Variants in POU2F1 observed in about 807,000 individuals in gnomAD.
POU2F1 encodes the protein POU class 2 homeobox 1, also known as POU domain, class 2, transcription factor 1.
POU2F1 carries 16 observed loss-of-function variants against 84.9 expected under a neutral mutation model. The observed-to-expected ratio is 0.19, with a 90% CI of 0.13 to 0.29. The LOEUF (loss-of-function observed/expected upper bound fraction) is 0.29. Among genes scored for constraint, POU2F1 ranks in the 10% least tolerant of loss-of-function variants. The probability of loss-of-function intolerance (pLI) is 1.00; values close to 1 mark genes in which losing one functional copy is unlikely to be tolerated. For synonymous variants in POU2F1, 368 were observed against 368.3 expected, an observed-to-expected ratio of 1.00 and a Z score of 0.01; for missense variants, 738 against 942.6, an observed-to-expected ratio of 0.78 and a Z score of 2.84.
chr1:167,333,239 C>T (rs1480834139), intron 2 of POU2F1, among the ~76,000 whole-genome samples: 5 of 152,138 alleles, frequency 3.3e-5, no homozygotes, highest in Non-Finnish European at 5.9e-5. Context: ...TTTGTCTCCA[C>T]GGCTCATACT....
At chr1:167,269,377 G>C (rs980568237) in intron 1 of POU2F1, among the ~76,000 whole-genome samples, 12 of 152,326 alleles carry the variant, frequency 7.9e-5, no homozygotes, top group African/African-American at 2.9e-4. Context: ...AGGTTAGCAA[G>C]TCTATTGAAA....
At chr1:167,263,631 G>T (rs142580654) in intron 1 of POU2F1, among the ~76,000 whole-genome samples, 100 of 152,130 alleles carry the variant, frequency 6.6e-4, no homozygotes, top group African/African-American at 2.4e-3. Context: ...ACACAGTTCC[G>T]ATTGGTATAT....
At chr1:167,222,006 C>T (rs1648245920) in intron 1 of POU2F1, among the ~76,000 whole-genome samples, 2 of 152,098 alleles carry the variant, frequency 1.3e-5, no homozygotes, top group Admixed American at 6.5e-5. Context: ...CTCCCTTTGC[C>T]CCTCCCCGCT....
intron 2 of POU2F1, among the ~76,000 whole-genome samples, chr1:167,337,283 G>T (rs924473402): frequency 2.0e-5 from 3 of 151,614 alleles, no homozygotes; most frequent in Non-Finnish European, 2.9e-5. Flanking sequence ...CTGAGATCAC[G>T]CCACTGCACT....
chr1:167,344,616 G>A (rs1170005220), intron 2 of POU2F1, among the ~76,000 whole-genome samples: 3 of 152,124 alleles, frequency 2.0e-5, no homozygotes, highest in Non-Finnish European at 4.4e-5. Context: ...TCATGTTAGA[G>A]TTTTTCTTAG....
At chr1:167,348,497 C>T (rs1485980844) in intron 2 of POU2F1, among the ~76,000 whole-genome samples, 2 of 152,172 alleles carry the variant, frequency 1.3e-5, no homozygotes, top group Admixed American at 1.3e-4. Flanking sequence ...CCTGCCAACA[C>T]TTATTTCTTC....
rs34032944 is a variant in POU2F1 at position 167,416,087 on chromosome 1, T to TAAAAAAA, written c.*290_*296dup. The TAAAAAAA allele has an allele frequency of 3.1e-5, 11 of 351,658 alleles. No homozygotes were observed. Among genetic ancestry groups the TAAAAAAA allele is most frequent in the East Asian group, 1.6e-4 (2 of 12,490 alleles). The allele number at this position is 351,658 out of a possible 1,614,324, so 21.8% of individuals were successfully genotyped here. A position where few individuals can be genotyped will look rare whatever the true frequency, so the allele number is the denominator to read the frequency against. On this transcript the variant is annotated 3_prime_UTR_variant, in exon 16 of 16. Coordinates refer to ENST00000367866, the MANE Select transcript of POU2F1 (RefSeq NM_002697.4). Reference sequence around the variant, plus strand: ...ATTGGAGAACTTTCTAACCAAAAATTAAAAAAAAAAAAAAAAAAAGAAACA... The same window carrying TAAAAAAA: ...ATTGGAGAACTTTCTAACCAAAAATTAAAAAAAAAAAAAAAAAAAAAAAAAAGAAACA...
At chr1:167,344,408 A>C (rs1658057524) in intron 2 of POU2F1, among the ~76,000 whole-genome samples, 1 of 152,178 alleles carries the variant, frequency 6.6e-6, no homozygotes, top group African/African-American at 2.4e-5. Context: ...GTTTGGAAAG[A>C]AATTGCTGTG....
At chr1:167,375,883 A>G in intron 6 of POU2F1, 146 bp from the exon 7 acceptor site, 1 of 1,002,474 alleles carries the variant, frequency 1.0e-6, no homozygotes, top group Non-Finnish European at 1.5e-6. Flanking sequence ...GCACACACAG[A>G]GCATACCCTG....
chr1:167,325,297 C>CA (rs1395340572), intron 1 of POU2F1, among the ~76,000 whole-genome samples: 1 of 152,102 alleles, frequency 6.6e-6, no homozygotes. Context: ...AAGATGCAGA[C>CA]ACCCCCCATG....
At chr1:167,404,396 G>A (rs1055309442) in intron 13 of POU2F1, among the ~76,000 whole-genome samples, 2 of 152,070 alleles carry the variant, frequency 1.3e-5, no homozygotes, top group Non-Finnish European at 2.9e-5. Flanking sequence ...AAGGGCTCGC[G>A]GTGAGCTGTG....
At chr1:167,240,959 A>G (rs1467014661) in intron 1 of POU2F1, among the ~76,000 whole-genome samples, 1 of 152,106 alleles carries the variant, frequency 6.6e-6, no homozygotes, top group Non-Finnish European at 1.5e-5. Flanking sequence ...CCTGACCAAC[A>G]TGGAGAGACC....
At chr1:167,251,722 G>C (rs16858830) in intron 1 of POU2F1, among the ~76,000 whole-genome samples, 1 of 151,966 alleles carries the variant, frequency 6.6e-6, no homozygotes, top group Non-Finnish European at 1.5e-5. Context: ...GTTTCTTTAC[G>C]TATTAGGCTT....
At chr1:167,279,604 A>G (rs1358904763) in intron 1 of POU2F1, among the ~76,000 whole-genome samples, 4 of 152,104 alleles carry the variant, frequency 2.6e-5, no homozygotes, top group South Asian at 4.2e-4. Flanking sequence ...TGTAATCCCA[A>G]CTACTTGGGA....
chr1:167,421,183 G>A lies in POU2F1; in HGVS notation c.*5373G>A, dbSNP rs201427736. The A allele has an allele frequency of 1.3e-5, 2 of 152,242 alleles. No individual in the cohort carries two copies. The highest frequency in any genetic ancestry group is 1.9e-4 in the East Asian group (1 of 5,180). The allele number at this position is 152,242 out of a possible 1,614,324, so 9.4% of individuals were successfully genotyped here. A position where few individuals can be genotyped will look rare whatever the true frequency, so the allele number is the denominator to read the frequency against. On this transcript the variant is annotated 3_prime_UTR_variant, in exon 16 of 16. Transcript: ENST00000367866. ...ATCTTTCTCAGCGTTTACAAACTTG[G>A]CTTTTGAGAAGGGAAAAATCCTCTT...
At chr1:167,286,216 C>A (rs1213185488) in intron 1 of POU2F1, among the ~76,000 whole-genome samples, 1 of 152,114 alleles carries the variant, frequency 6.6e-6, no homozygotes, top group Non-Finnish European at 1.5e-5. Flanking sequence ...ATATTAACTT[C>A]TTGTAACTTT....
intron 1 of POU2F1, among the ~76,000 whole-genome samples, chr1:167,253,906 T>G (rs1236582946): frequency 6.6e-6 from 1 of 152,216 alleles, no homozygotes. Flanking sequence ...GCTCCTTGCT[T>G]TTCTAATACA....
At chr1:167,265,438 A>T (rs1251333692) in intron 1 of POU2F1, among the ~76,000 whole-genome samples, 1 of 152,258 alleles carries the variant, frequency 6.6e-6, no homozygotes, top group African/African-American at 2.4e-5. Flanking sequence ...TAATTAGGTT[A>T]TTCAGAGTCA....
At chr1:167,392,685 G>A (rs1391794939) in intron 9 of POU2F1, among the ~76,000 whole-genome samples, 2 of 152,076 alleles carry the variant, frequency 1.3e-5, no homozygotes, top group African/African-American at 2.4e-5. Context: ...TTTGTTTTGT[G>A]GTTTTATCCT....
Sources: gnomAD v4.1 joint callset for allele counts (sites outside exome capture counted in the v4.1 genomes callset) on GRCh38, gnomAD v4.1.1 for gene constraint, MANE v1.5 for transcripts, NCBI Gene and HGNC (gene_info 2026-07-23, HGNC 2026-07-21) for gene names.